Variants in ADAM32 observed in about 807,000 individuals in gnomAD.
The protein encoded by ADAM32 is ADAM metallopeptidase domain 32.
In ADAM32, 89 loss-of-function variants were observed where a neutral mutation model predicts 114.9. The observed-to-expected ratio is 0.77, with a 90% CI of 0.65 to 0.92. The LOEUF (loss-of-function observed/expected upper bound fraction) is 0.92, where lower values mean the gene tolerates loss of function less well. Among genes scored for constraint, ADAM32 ranks in the 40% least tolerant of loss-of-function variants. The probability of loss-of-function intolerance (pLI) is 0.00; values close to 1 mark genes in which losing one functional copy is unlikely to be tolerated. For missense variants in ADAM32, 870 were observed against 932.8 expected (o/e 0.93, Z 0.88); for synonymous variants, 285 against 307.5 (o/e 0.93, Z 0.77).
chr8:39,227,321 G>A (rs1809447322), intron 14 of ADAM32, among the ~76,000 whole-genome samples: 2 of 152,182 alleles, frequency 1.3e-5, no homozygotes, highest in African/African-American at 4.8e-5. Flanking sequence ...TTAGAGAGCT[G>A]GGCAAAATAC....
chr8:39,112,834 G>A (rs904125067), intron 1 of ADAM32, among the ~76,000 whole-genome samples: 34 of 152,292 alleles, frequency 2.2e-4, no homozygotes, highest in Middle Eastern at 3.4e-3. Context: ...AATAATTAAC[G>A]ATGAAACGCA....
chr8:39,155,047 C>G (rs1361223530), intron 6 of ADAM32, among the ~76,000 whole-genome samples: 1 of 152,056 alleles, frequency 6.6e-6, no homozygotes, highest in African/African-American at 2.4e-5. Context: ...TAAAAGCGCT[C>G]AATAAACTAG....
chr8:39,132,906 A>T (rs1167785466), intron 2 of ADAM32, among the ~76,000 whole-genome samples: 5 of 151,512 alleles, frequency 3.3e-5, no homozygotes. Flanking sequence ...CTTATGTTTG[A>T]CTTTCAACAT....
At chr8:39,226,744 C>T (rs558426948) in intron 14 of ADAM32, among the ~76,000 whole-genome samples, 3 of 152,236 alleles carry the variant, frequency 2.0e-5, no homozygotes, top group Admixed American at 6.5e-5. Context: ...CATTGCCACT[C>T]AATCTATCTT....
intron 6 of ADAM32, among the ~76,000 whole-genome samples, chr8:39,160,602 AGTTT>A (rs1338680089): frequency 6.7e-6 from 1 of 149,310 alleles, no homozygotes; most frequent in African/African-American, 2.5e-5. Context: ...TTAAAGCAAA[AGTTT>A]ATTTCTGATA....
intron 11 of ADAM32, among the ~76,000 whole-genome samples, chr8:39,206,739 C>T (rs1338110257): frequency 6.6e-6 from 1 of 152,148 alleles, no homozygotes; most frequent in African/African-American, 2.4e-5. Context: ...CTGGGTCAAT[C>T]CTGTTTTGTG....
At chr8:39,172,398 C>T (rs1049728673) in intron 10 of ADAM32, among the ~76,000 whole-genome samples, 1 of 152,008 alleles carries the variant, frequency 6.6e-6, no homozygotes, top group Non-Finnish European at 1.5e-5. Flanking sequence ...TAAATGTGTG[C>T]CATGGTGGTT....
At chr8:39,213,243 T>C (rs1808348183) in intron 12 of ADAM32, among the ~76,000 whole-genome samples, 1 of 152,128 alleles carries the variant, frequency 6.6e-6, no homozygotes, top group Non-Finnish European at 1.5e-5. Flanking sequence ...ACATGTTATA[T>C]TTTGATACCT....
At chr8:39,234,165 G>A (rs2129449448) in intron 16 of ADAM32, 83 bp downstream of exon 16, 6 of 1,009,686 alleles carry the variant, frequency 5.9e-6, no homozygotes, top group Non-Finnish European at 6.5e-6. Flanking sequence ...TTTTAATTTA[G>A]TGCTAGTATT....
intron 1 of ADAM32, among the ~76,000 whole-genome samples, chr8:39,109,243 TTAAAAA>T (rs1460972987): frequency 6.6e-6 from 1 of 152,160 alleles, no homozygotes; most frequent in Non-Finnish European, 1.5e-5. Context: ...ATTTCATTCA[TTAAAAA>T]TAAAAGTAAC....
intron 14 of ADAM32, among the ~76,000 whole-genome samples, chr8:39,231,329 A>T (rs1809719509): frequency 6.6e-6 from 1 of 152,132 alleles, no homozygotes. Context: ...ACAGCTAGTA[A>T]AGCTACAACT....
intron 11 of ADAM32, among the ~76,000 whole-genome samples, chr8:39,204,458 T>C (rs1274221048): frequency 6.6e-6 from 1 of 152,256 alleles, no homozygotes; most frequent in African/African-American, 2.4e-5. Context: ...CACGTAGTTC[T>C]CGTGCCATGG....
chr8:39,212,342 A>T (rs1808282988), intron 12 of ADAM32, among the ~76,000 whole-genome samples: 1 of 152,112 alleles, frequency 6.6e-6, no homozygotes, highest in Middle Eastern at 3.2e-3. Flanking sequence ...AATCAATCTT[A>T]TTGGGGTATA....
chr8:39,241,685 A>T (rs943560294), intron 16 of ADAM32, among the ~76,000 whole-genome samples: 9 of 152,216 alleles, frequency 5.9e-5, no homozygotes, highest in Non-Finnish European at 1.3e-4. Context: ...CCTAAACTGC[A>T]CACAGCAGAG....
intron 11 of ADAM32, among the ~76,000 whole-genome samples, chr8:39,204,036 C>T (rs1044232363): frequency 1.1e-4 from 16 of 152,158 alleles, no homozygotes; most frequent in Non-Finnish European, 1.5e-4. Flanking sequence ...TGTGGGTAAC[C>T]GGACCCGTCT....
chr8:39,248,349 C>T (rs529391076), intron 17 of ADAM32, among the ~76,000 whole-genome samples: 1 of 152,206 alleles, frequency 6.6e-6, no homozygotes, highest in East Asian at 1.9e-4. Context: ...TTTATTTAGT[C>T]CTTTTTTATT....
At chr8:39,147,947 A>G (rs1462071326) in intron 4 of ADAM32, among the ~76,000 whole-genome samples, 2 of 151,746 alleles carry the variant, frequency 1.3e-5, no homozygotes, top group Non-Finnish European at 2.9e-5. Context: ...CTAATTTTCT[A>G]TCTAAACCCT....
At chr8:39,166,051 TA>T (rs1382191775) in intron 9 of ADAM32, 1 of 152,182 alleles carries the variant, frequency 6.6e-6, no homozygotes, top group African/African-American at 2.4e-5. Context: ...TTAATATTTA[TA>T]TTTTTTCCCC....
chr8:39,159,893 G>A (rs1433635602), intron 6 of ADAM32, among the ~76,000 whole-genome samples: 1 of 152,210 alleles, frequency 6.6e-6, no homozygotes, highest in Non-Finnish European at 1.5e-5. Flanking sequence ...GGATGTGTGA[G>A]ATGGGATGGT....
Sources: gnomAD v4.1 joint callset for allele counts (sites outside exome capture counted in the v4.1 genomes callset) on GRCh38, gnomAD v4.1.1 for gene constraint, MANE v1.5 for transcripts, NCBI Gene and HGNC (gene_info 2026-07-23, HGNC 2026-07-21) for gene names.